ARHGEF4: variants seen among roughly 807,000 people sequenced by gnomAD.
ARHGEF4 encodes the protein APC-stimulated guanine nucleotide exchange factor 1.
Under a neutral mutation model 162.0 loss-of-function variants are expected in ARHGEF4, and 119 were observed. That is an observed-to-expected ratio of 0.73 (90% CI 0.63 to 0.86). ARHGEF4 has a LOEUF of 0.86. ARHGEF4 is among the 40% of genes least tolerant of loss of function. ARHGEF4 has a pLI of 0.00. For missense variants in ARHGEF4, 2,488 were observed against 2,456.0 expected (o/e 1.01, Z -0.28); for synonymous variants, 1,014 against 979.9 (o/e 1.03, Z -0.65).
chr2:130,975,101 G>A (rs1444379286), intron 4 of ARHGEF4, among the ~76,000 whole-genome samples: 2 of 152,182 alleles, frequency 1.3e-5, no homozygotes, highest in Non-Finnish European at 2.9e-5. Flanking sequence ...TGGACGTGCT[G>A]TCTGAGGGCC....
intron 4 of ARHGEF4, among the ~76,000 whole-genome samples, chr2:130,992,715 C>T (rs1364275640): frequency 6.6e-6 from 1 of 152,156 alleles, no homozygotes; most frequent in Non-Finnish European, 1.5e-5. Context: ...CAGTGCAAGC[C>T]AGGAGAGAAT....
chr2:130,901,320 C>A (rs1330318602), intron 1 of ARHGEF4, among the ~76,000 whole-genome samples: 2 of 152,174 alleles, frequency 1.3e-5, no homozygotes, highest in Admixed American at 1.3e-4. Flanking sequence ...GAGCAGATCA[C>A]CCTGCTGGGC....
rs143967975 is a variant in ARHGEF4 at position 131,010,700 on chromosome 2, A to G, written c.3986-17245A>G. Among the ~76,000 whole-genome samples the G allele has an allele frequency of 3.8e-3, 582 of 152,236 alleles. 3 individuals are homozygous for G. The highest frequency in any genetic ancestry group is 0.013 in the African/African-American group (559 of 41,540). On this transcript the variant is annotated intron_variant, in intron 4 of 13. Transcript: ENST00000409359. ...ATTGGTCAGGAGCCCACCAGAGCTG[A>G]GGGGGTGGGGTAGAGAGAAGAAACG... is the stretch of plus-strand genomic sequence containing the variant.
intron 4 of ARHGEF4, among the ~76,000 whole-genome samples, chr2:130,985,661 TCAA>T (rs1686431604): frequency 6.6e-6 from 1 of 152,180 alleles, no homozygotes; most frequent in Non-Finnish European, 1.5e-5. Context: ...GTTTCAGACT[TCAA>T]CAGCAGAAGG....
At chr2:131,045,605 G>A in intron 13 of ARHGEF4, 159 bp downstream of exon 13, 14 of 1,577,890 alleles carry the variant, frequency 8.9e-6, no homozygotes, top group Non-Finnish European at 1.2e-5. Flanking sequence ...GTAATAAGGG[G>A]CCACTGGGGA....
At position 131,040,072 on chromosome 2, in the gene ARHGEF4, C is replaced by G. The variant is rs1458572994; in HGVS notation, c.4362C>G (p.Ser1454Arg). 5.6e-6 allele frequency: 9 copies of G among 1,599,420 alleles called. No homozygotes were observed. Among genetic ancestry groups the G allele is most frequent in the Non-Finnish European group, 6.0e-6 (7 of 1,173,436 alleles). The change falls in exon 7 of 14, where the codon AGC (serine) becomes AGG (arginine). Residue 1454 changes from serine (S) to arginine (R), a missense_variant. This residue lies in a region of ARHGEF4 where 174 missense variants were observed against 148.3 expected (regional missense o/e 1.17). Coordinates refer to ENST00000409359, the MANE Select transcript of ARHGEF4 (RefSeq NM_001367493.1). ...ADDDAPLAGN[S>R]GAEDGGAEAQ... Reference sequence around the variant, plus strand: ...ACGACGCCCCTCTGGCCGGGAACAGCGGAGCGGAGGACGGCGGGGCGGAGG... The same window carrying G: ...ACGACGCCCCTCTGGCCGGGAACAGGGGAGCGGAGGACGGCGGGGCGGAGG...
In ARHGEF4 at chr2:130,916,655, A is replaced by G. The variant is rs1681517556; in HGVS notation, c.2709A>G (p.Lys903=). 1 of 1,550,622 alleles carries G rather than the reference A, an allele frequency of 6.4e-7. No individual in the cohort carries two copies. ...CAAAGAGACTCAAAACAACGGAGAA[A>G]AAACTCAGGGCAAGGTTGGCCTTGG... The part of the protein sequence containing the change: ...CNAKRLKTTE[K]KLRARLALAH... The change falls in exon 2 of 14, where the codon AAA becomes AAG. Residue 903 remains lysine, a synonymous_variant. Transcript: ENST00000409359.
At chr2:130,953,088 C>T (rs145117376) in intron 4 of ARHGEF4, among the ~76,000 whole-genome samples, 2,100 of 152,184 alleles carry the variant, frequency 0.014, 59 homozygotes, top group African/African-American at 0.048. Context: ...AAAAAAAGCC[C>T]GCATTGCCAA....
chr2:131,007,703 C>G (rs1688203469), intron 4 of ARHGEF4, among the ~76,000 whole-genome samples: 2 of 149,700 alleles, frequency 1.3e-5, no homozygotes, highest in Non-Finnish European at 3.0e-5. Context: ...TAAGATCACA[C>G]TCTATATACT....
chr2:130,906,719 C>T (rs765729305), intron 1 of ARHGEF4, among the ~76,000 whole-genome samples: 3 of 152,178 alleles, frequency 2.0e-5, no homozygotes, highest in Non-Finnish European at 4.4e-5. Flanking sequence ...TTGTCTTTAG[C>T]CTCTCAGTAT....
chr2:130,933,042 C>G (rs1682726611), intron 3 of ARHGEF4, among the ~76,000 whole-genome samples: 1 of 151,998 alleles, frequency 6.6e-6, no homozygotes, highest in South Asian at 2.1e-4. Context: ...ATGGTGAAAC[C>G]CTGTTTCTAC....
intron 13 of ARHGEF4, 71 bp from the exon 14 acceptor site, chr2:131,045,967 G>A: frequency 6.5e-7 from 1 of 1,550,020 alleles, no homozygotes; most frequent in East Asian, 2.3e-5. Flanking sequence ...CGGACCCCAT[G>A]CTGTCCCCAA....
chr2:131,045,907 C>G (rs990617882), intron 13 of ARHGEF4, 131 bp from the exon 14 acceptor site: 21 of 1,495,788 alleles, frequency 1.4e-5, no homozygotes, highest in East Asian at 6.9e-5. Context: ...GGAGCAAGTC[C>G]TGTGTGGCAA....
chr2:130,878,089 T>C (rs1678969596), intron 1 of ARHGEF4, among the ~76,000 whole-genome samples: 1 of 152,226 alleles, frequency 6.6e-6, no homozygotes, highest in South Asian at 2.1e-4. Flanking sequence ...CAGATTACCT[T>C]TACTTTCCTT....
intron 1 of ARHGEF4, among the ~76,000 whole-genome samples, chr2:130,876,175 C>G (rs1311871513): frequency 6.6e-6 from 1 of 152,162 alleles, no homozygotes; most frequent in African/African-American, 2.4e-5. Flanking sequence ...ATTGCCATGG[C>G]TTGTTTGCTG....
chr2:130,875,156 T>C (rs1306007709), intron 1 of ARHGEF4, among the ~76,000 whole-genome samples: 2 of 152,312 alleles, frequency 1.3e-5, no homozygotes, highest in African/African-American at 2.4e-5. Flanking sequence ...ATGAGCTCTA[T>C]TTCTTCTGTC....
chr2:130,844,808 A>G (rs922643916), intron 1 of ARHGEF4, among the ~76,000 whole-genome samples: 2 of 151,744 alleles, frequency 1.3e-5, no homozygotes, highest in African/African-American at 4.8e-5. Context: ...TCTTCCCCAA[A>G]CAAATATATA....
intron 3 of ARHGEF4, among the ~76,000 whole-genome samples, chr2:130,937,706 C>T (rs907023407): frequency 4.1e-5 from 6 of 145,006 alleles, no homozygotes; most frequent in African/African-American, 1.5e-4. Flanking sequence ...GTCGCTCTGT[C>T]ACCCAGACGG....
intron 1 of ARHGEF4, among the ~76,000 whole-genome samples, chr2:130,876,703 T>C (rs1279796484): frequency 6.6e-6 from 1 of 152,154 alleles, no homozygotes; most frequent in Non-Finnish European, 1.5e-5. Flanking sequence ...TGATCATCTT[T>C]TCAAAGAGAT....
Sources: allele counts gnomAD v4.1 joint callset (sites outside exome capture counted in the v4.1 genomes callset), GRCh38; gene constraint gnomAD v4.1.1; regional missense constraint gnomAD v4.1.1; transcripts MANE v1.5; gene names NCBI Gene and HGNC (gene_info 2026-07-23, HGNC 2026-07-21).